PRH1: variants seen among roughly 807,000 people sequenced by gnomAD.
The protein encoded by PRH1 is salivary acidic proline-rich phosphoprotein 1/2.
In PRH1, 7 loss-of-function variants were observed where a neutral mutation model predicts 7.9. The ratio of observed to expected loss-of-function variants is 0.89; its 90% CI spans 0.50 to 1.67. PRH1 has a LOEUF of 1.67. Ranked by LOEUF, PRH1 falls within the 40% of genes most tolerant of loss-of-function variation. The probability of loss-of-function intolerance (pLI) is 0.00; values close to 1 mark genes in which losing one functional copy is unlikely to be tolerated. For synonymous variants in PRH1, 45 were observed against 80.8 expected (o/e 0.56, Z 2.38); for missense variants, 109 against 223.6 (o/e 0.49, Z 3.27).
At chr12:11,105,080 T>C (rs1438940748) in intron 1 of PRH1, among the ~76,000 whole-genome samples, 1 of 152,016 alleles carries the variant, frequency 6.6e-6, no homozygotes, top group Non-Finnish European at 1.5e-5. Flanking sequence ...GTAATTATAC[T>C]GGAGATACTT....
At chr12:10,928,276 C>G (rs1275071651) in intron 2 of PRH1, among the ~76,000 whole-genome samples, 2 of 152,146 alleles carry the variant, frequency 1.3e-5, no homozygotes, top group East Asian at 3.8e-4. Context: ...GAAGACCAAT[C>G]AAGGCATTTG....
chr12:11,134,491 T>G lies in PRH1; in HGVS notation n.40-13311A>C, dbSNP rs368074000. 6.4e-4 allele frequency: 314 copies of G among 493,590 alleles called. 4 individuals carry two copies. The South Asian group carries it at 7.5e-3, about 12-fold the overall frequency. The allele number at this position is 493,590 out of a possible 1,614,324, so 30.6% of individuals were successfully genotyped here. On this transcript the variant is annotated intron_variant and non_coding_transcript_variant, in intron 1 of 1. Transcript: ENST00000541175. ...AAACAATTCAAATTAACTGACTCATTCACCATCTGTTCTTGTTATAGGCTG... is the reference window on the plus strand; with the variant it reads ...AAACAATTCAAATTAACTGACTCATGCACCATCTGTTCTTGTTATAGGCTG...
At chr12:10,966,647 T>G (rs560049093) in intron 2 of PRH1, among the ~76,000 whole-genome samples, 2 of 152,202 alleles carry the variant, frequency 1.3e-5, no homozygotes, top group South Asian at 4.1e-4. Context: ...ACATGTGAGA[T>G]ATCAATATGT....
At chr12:11,011,171 C>CCA (rs1207695044) in intron 1 of PRH1, among the ~76,000 whole-genome samples, 1 of 152,008 alleles carries the variant, frequency 6.6e-6, no homozygotes, top group Non-Finnish European at 1.5e-5. Flanking sequence ...AATAAACCTA[C>CCA]CATGTCTGAA....
At chr12:11,020,237 C>T (rs375707470) in intron 1 of PRH1, among the ~76,000 whole-genome samples, 2,999 of 21,472 alleles carry the variant, frequency 0.14, no homozygotes, top group East Asian at 0.4. Context: ...TGTTCATTAA[C>T]ATATCATTTT....
chr12:10,924,980 G>A (rs570421028), intron 2 of PRH1, among the ~76,000 whole-genome samples: 42 of 152,088 alleles, frequency 2.8e-4, no homozygotes, highest in African/African-American at 1.0e-3. Context: ...TTTCTTGAAG[G>A]GTGTTTTGTG....
At chr12:10,978,297 AG>A (rs771691197) in intron 1 of PRH1, among the ~76,000 whole-genome samples, 45 of 152,212 alleles carry the variant, frequency 3.0e-4, no homozygotes, top group Non-Finnish European at 5.6e-4. Context: ...AACAAAGTTA[AG>A]AAAAACAAGC....
intron 2 of PRH1, among the ~76,000 whole-genome samples, chr12:10,901,926 G>A (rs1024644396): frequency 6.6e-6 from 1 of 151,988 alleles, no homozygotes. Context: ...GGAGGAAAGA[G>A]AACAAGAATT....
At position 11,077,549 on chromosome 12, in the gene PRH1, T is replaced by G. The variant is rs1264033854; in HGVS notation, n.124-30361A>C. On this transcript the variant is annotated intron_variant and non_coding_transcript_variant, in intron 1 of 4. Coordinates refer to the PRH1 transcript ENST00000541977. ...ATGGCATATAACATGAGGAAGGAGA[T>G]CACAGTTTGCAAAGCTTTTATGTGG... The G allele has an allele frequency of 1.6e-6, 2 of 1,220,044 alleles. 1 individual carries two copies. Among genetic ancestry groups the G allele is most frequent in the African/African-American group, 3.1e-5 (2 of 65,078 alleles). The allele number at this position is 1,220,044 out of a possible 1,614,324, so 75.6% of individuals were successfully genotyped here. A position where few individuals can be genotyped will look rare whatever the true frequency, so the allele number is the denominator to read the frequency against.
chr12:10,977,153 T>C (rs147755571), intron 1 of PRH1, among the ~76,000 whole-genome samples: 330 of 151,928 alleles, frequency 2.2e-3, no homozygotes, highest in Middle Eastern at 3.4e-3. Flanking sequence ...TAAACACAGA[T>C]GAAAAAGTAC....
chr12:11,052,296 G>C (rs1388424289), intron 1 of PRH1, among the ~76,000 whole-genome samples: 1 of 152,152 alleles, frequency 6.6e-6, no homozygotes, highest in South Asian at 2.1e-4. Flanking sequence ...TTCAATTTCT[G>C]TTTATGAAGG....
At chr12:10,963,657 T>C (rs939872793) in intron 2 of PRH1, among the ~76,000 whole-genome samples, 9 of 152,212 alleles carry the variant, frequency 5.9e-5, no homozygotes, top group African/African-American at 2.2e-4. Context: ...TGGAGACTTA[T>C]GACAGCAGTT....
At chr12:11,045,178 T>C (rs1284235257) in intron 1 of PRH1, among the ~76,000 whole-genome samples, 1 of 151,668 alleles carries the variant, frequency 6.6e-6, no homozygotes, top group East Asian at 1.9e-4. Flanking sequence ...AATTGGAGAT[T>C]ATTATGTTAA....
chr12:11,065,892 G>C (rs913649468), intron 1 of PRH1, among the ~76,000 whole-genome samples: 1 of 152,126 alleles, frequency 6.6e-6, no homozygotes, highest in Non-Finnish European at 1.5e-5. Context: ...CTTGTCTGTT[G>C]CTGGGTCATC....
rs1281878546 is a variant in PRH1, at chr12:10,946,193, G to A, written c.-59+27462C>T. ...AAGGTATTGATTGGGGAAGTGATAAGTGTCCATGAAATCTTCACAATTTAT... is the reference window on the plus strand; with the variant it reads ...AAGGTATTGATTGGGGAAGTGATAAATGTCCATGAAATCTTCACAATTTAT... On this transcript the variant is annotated intron_variant, in intron 2 of 3. Coordinates refer to the PRH1 transcript ENST00000539853. Among the ~76,000 whole-genome samples the A allele has an allele frequency of 2.6e-5, 4 of 152,322 alleles. No homozygotes were observed. In the East Asian group the frequency reaches 5.8e-4, roughly 22 times the overall value.
chr12:11,137,934 A>T (rs1201195244), intron 1 of PRH1, among the ~76,000 whole-genome samples: 1 of 152,064 alleles, frequency 6.6e-6, no homozygotes, highest in Non-Finnish European at 1.5e-5. Flanking sequence ...ACTTCAAAGT[A>T]ATGAGAGAAC....
At chr12:11,049,361 T>G (rs80068487), upstream of PRH1, 1 of 258,566 alleles carries the variant, frequency 3.9e-6, no homozygotes, top group African/African-American at 2.3e-5. Context: ...CTTTTAAATG[T>G]GTAGTAACAT....
intron 1 of PRH1, among the ~76,000 whole-genome samples, chr12:11,081,636 C>G (rs1234719388): frequency 5.5e-4 from 52 of 94,464 alleles, no homozygotes; most frequent in East Asian, 1.0e-3. Flanking sequence ...TGCTAACAGG[C>G]AAACTCAATG....
intron 1 of PRH1, among the ~76,000 whole-genome samples, chr12:10,987,492 T>G (rs1021858165): frequency 6.6e-6 from 1 of 152,016 alleles, no homozygotes; most frequent in Non-Finnish European, 1.5e-5. Context: ...AACCCAATAC[T>G]TTTGTGTGAA....
Sources: allele counts gnomAD v4.1 joint callset (sites outside exome capture counted in the v4.1 genomes callset), GRCh38; gene constraint gnomAD v4.1.1; transcripts MANE v1.5; gene names NCBI Gene and HGNC (gene_info 2026-07-23, HGNC 2026-07-21).